CHST9: variants seen among roughly 807,000 people sequenced by gnomAD.
The protein encoded by CHST9 is carbohydrate sulfotransferase 9.
CHST9 carries 41 observed loss-of-function variants against 44.4 expected under a neutral mutation model. The ratio of observed to expected loss-of-function variants is 0.92; its 90% CI spans 0.72 to 1.20. The LOEUF (loss-of-function observed/expected upper bound fraction) is 1.20. Ranked by LOEUF, CHST9 falls within the 50% of genes most tolerant of loss-of-function variation. The pLI, the probability that CHST9 is intolerant of heterozygous loss-of-function variation, is 0.00. For missense variants in CHST9, 504 were observed against 516.5 expected, an observed-to-expected ratio of 0.98 and a Z score of 0.23; for synonymous variants, 171 against 178.4, an observed-to-expected ratio of 0.96 and a Z score of 0.33.
intron 2 of CHST9, among the ~76,000 whole-genome samples, chr18:27,120,070 G>C (rs923170709): frequency 6.6e-6 from 1 of 152,176 alleles, no homozygotes; most frequent in African/African-American, 2.4e-5. Context: ...CCCATCAAGA[G>C]AAACAGCATT....
intron 2 of CHST9, among the ~76,000 whole-genome samples, chr18:27,053,506 A>G (rs1156252001): frequency 6.6e-6 from 1 of 152,012 alleles, no homozygotes; most frequent in Non-Finnish European, 1.5e-5. Flanking sequence ...ACTTTGAGAC[A>G]TATCTTCTCC....
chr18:27,164,421 G>GA (rs573335051), intron 1 of CHST9, among the ~76,000 whole-genome samples: 4 of 144,968 alleles, frequency 2.8e-5, no homozygotes, highest in African/African-American at 5.1e-5. Flanking sequence ...TAAACAAAAA[G>GA]AAAAAAAAAG....
intron 2 of CHST9, among the ~76,000 whole-genome samples, chr18:27,067,787 T>G (rs2057797845): frequency 6.6e-6 from 1 of 152,188 alleles, no homozygotes; most frequent in Admixed American, 6.6e-5. Context: ...GTTTAGTTTA[T>G]TAAGCCCCTG....
At position 27,004,709 on chromosome 18, in the gene CHST9, G is replaced by T. The variant is rs368890262; in HGVS notation, c.202+19407C>A. On this transcript the variant is annotated intron_variant, in intron 4 of 5. Transcript: ENST00000618847. ...CGGTTTCCCTTTTCGTAGTACAAAT[G>T]TGGCTGTCGTAGGGACAAACAATCC... Among the ~76,000 whole-genome samples the T allele has an allele frequency of 2.6e-4, 40 of 152,248 alleles. No homozygotes were observed. In the South Asian group the frequency reaches 8.3e-3, roughly 32 times the overall value.
chr18:27,096,112 T>C (rs2058114446), intron 2 of CHST9, among the ~76,000 whole-genome samples: 1 of 151,970 alleles, frequency 6.6e-6, no homozygotes, highest in Admixed American at 6.6e-5. Context: ...AGTGAAAATA[T>C]ACATCAATAC....
chr18:26,919,240 C>T (rs924777394), intron 5 of CHST9, among the ~76,000 whole-genome samples: 5 of 152,126 alleles, frequency 3.3e-5, no homozygotes, highest in Admixed American at 2.0e-4. Context: ...CCCCCTGAAA[C>T]GGCCACTCCA....
chr18:27,091,536 G>GA (rs982188141), intron 2 of CHST9, among the ~76,000 whole-genome samples: 1 of 152,152 alleles, frequency 6.6e-6, no homozygotes, highest in African/African-American at 2.4e-5. Flanking sequence ...TTTTCAAAGG[G>GA]AATGCTTCCA....
Position 26,914,231 on chromosome 18 carries a change from T to C in CHST9, c.*2028A>G, listed in dbSNP as rs1471119252. ...CAAATGCCAATAAGAGAGGTAGGAC[T>C]GTTGTTTCCATTTTTTTCCTTCTAA... On this transcript the variant is annotated 3_prime_UTR_variant, in exon 6 of 6. Transcript: ENST00000618847. The C allele has an allele frequency of 6.6e-6, 1 of 152,190 alleles. No homozygotes were observed. Among genetic ancestry groups the C allele is most frequent in the Non-Finnish European group, 1.5e-5 (1 of 68,028 alleles). 9.4% of individuals were successfully genotyped at this position (152,190 alleles called of 1,614,324 possible). A position where few individuals can be genotyped will look rare whatever the true frequency, so the allele number is the denominator to read the frequency against.
At chr18:27,166,828 T>C (rs1263932011) in intron 1 of CHST9, among the ~76,000 whole-genome samples, 2 of 152,202 alleles carry the variant, frequency 1.3e-5, no homozygotes, top group African/African-American at 4.8e-5. Flanking sequence ...TACACATTTA[T>C]TTAATATAAG....
At chr18:27,066,956 G>A (rs1041195342) in intron 2 of CHST9, among the ~76,000 whole-genome samples, 1 of 151,866 alleles carries the variant, frequency 6.6e-6, no homozygotes, top group Non-Finnish European at 1.5e-5. Flanking sequence ...TTTCTGTGGT[G>A]GTTTCTGTTT....
At chr18:27,063,261 C>T (rs2057746122) in intron 2 of CHST9, among the ~76,000 whole-genome samples, 2 of 152,122 alleles carry the variant, frequency 1.3e-5, no homozygotes, top group South Asian at 2.1e-4. Context: ...CACTGTTTAC[C>T]ACATATGCTC....
chr18:27,130,474 A>C (rs565569355), intron 2 of CHST9, among the ~76,000 whole-genome samples: 1 of 152,354 alleles, frequency 6.6e-6, no homozygotes, highest in Non-Finnish European at 1.5e-5. Context: ...GTTTTATTAG[A>C]ATTATCATTG....
intron 5 of CHST9, among the ~76,000 whole-genome samples, chr18:26,924,186 C>T (rs2055719002): frequency 6.6e-6 from 1 of 152,068 alleles, no homozygotes; most frequent in Non-Finnish European, 1.5e-5. Context: ...ATCAGGAATC[C>T]TTAGGAGAGG....
intron 2 of CHST9, among the ~76,000 whole-genome samples, chr18:27,119,681 T>TA (rs2058358673): frequency 6.6e-6 from 1 of 150,512 alleles, no homozygotes; most frequent in African/African-American, 2.4e-5. Context: ...ACTTGCTCTC[T>TA]AAGCCTTTTC....
chr18:27,017,631 G>A (rs1159705327), intron 4 of CHST9, among the ~76,000 whole-genome samples: 1 of 152,134 alleles, frequency 6.6e-6, no homozygotes, highest in Non-Finnish European at 1.5e-5. Context: ...TAGGTGATGA[G>A]GTTTTGAATT....
intron 2 of CHST9, among the ~76,000 whole-genome samples, chr18:27,141,095 A>C (rs1313527593): frequency 2.0e-5 from 3 of 152,182 alleles, no homozygotes; most frequent in African/African-American, 7.2e-5. Flanking sequence ...ACGGTGGCTC[A>C]CGCCTGTAAT....
intron 2 of CHST9, among the ~76,000 whole-genome samples, chr18:27,101,804 T>TA (rs2058175369): frequency 6.6e-6 from 1 of 152,188 alleles, no homozygotes; most frequent in African/African-American, 2.4e-5. Context: ...TGAATATTCT[T>TA]AGACTGGCGG....
intron 4 of CHST9, among the ~76,000 whole-genome samples, chr18:26,973,619 T>C (rs1354487861): frequency 6.6e-6 from 1 of 152,252 alleles, no homozygotes; most frequent in Non-Finnish European, 1.5e-5. Context: ...CTGCTATTGT[T>C]AGTGTATTTT....
At chr18:27,100,268 G>A (rs2058158395) in intron 2 of CHST9, among the ~76,000 whole-genome samples, 1 of 152,114 alleles carries the variant, frequency 6.6e-6, no homozygotes, top group African/African-American at 2.4e-5. Flanking sequence ...AGTGAGGAGG[G>A]AGGATGGAGC....
Sources: gnomAD v4.1 joint callset for allele counts (sites outside exome capture counted in the v4.1 genomes callset) on GRCh38, gnomAD v4.1.1 for gene constraint, MANE v1.5 for transcripts, NCBI Gene and HGNC (gene_info 2026-07-23, HGNC 2026-07-21) for gene names.